The following MACROD2 variants were observed in gnomAD, a reference collection of about 807,000 sequenced individuals.
MACROD2 encodes ADP-ribose glycohydrolase MACROD2.
In MACROD2, 36 loss-of-function variants were observed where a neutral mutation model predicts 70.4. That is an observed-to-expected ratio of 0.51 (90% CI 0.39 to 0.68). The LOEUF (loss-of-function observed/expected upper bound fraction) is 0.68, where lower values mean the gene tolerates loss of function less well. Ranked by LOEUF, MACROD2 falls within the 30% of genes least tolerant of loss-of-function variation. MACROD2 has a pLI of 0.00. For synonymous variants in MACROD2, 172 were observed against 178.8 expected, an observed-to-expected ratio of 0.96 and a Z score of 0.30; for missense variants, 496 against 538.4, an observed-to-expected ratio of 0.92 and a Z score of 0.78.
At chr20:15,000,229 CA>C in intron 5 of MACROD2, among the ~76,000 whole-genome samples, 1 of 152,096 alleles carries the variant, frequency 6.6e-6, no homozygotes, top group Admixed American at 6.5e-5. Flanking sequence ...CCTCAGAAAG[CA>C]AAACAAAACA....
chr20:14,802,069 G>A (rs2072583117), intron 5 of MACROD2, among the ~76,000 whole-genome samples: 1 of 152,032 alleles, frequency 6.6e-6, no homozygotes, highest in Non-Finnish European at 1.5e-5. Flanking sequence ...CAGAACTTGA[G>A]TGTGGCTGGC....
intron 5 of MACROD2, among the ~76,000 whole-genome samples, chr20:15,003,396 C>A (rs1490820043): frequency 6.6e-6 from 1 of 151,968 alleles, no homozygotes; most frequent in African/African-American, 2.4e-5. Context: ...CAAAAATGAA[C>A]AAAATTATTT....
chr20:15,929,093 G>C (rs1458624539), intron 10 of MACROD2, among the ~76,000 whole-genome samples: 1 of 152,122 alleles, frequency 6.6e-6, no homozygotes, highest in African/African-American at 2.4e-5. Context: ...CATGCTCACA[G>C]GTCTGTAAGA....
intron 3 of MACROD2, among the ~76,000 whole-genome samples, chr20:14,186,654 C>A (rs1035173438): frequency 6.6e-6 from 1 of 152,112 alleles, no homozygotes; most frequent in Non-Finnish European, 1.5e-5. Flanking sequence ...CTCATATGTT[C>A]ATTGCAGCAC....
chr20:16,029,352 G>A (rs2067122001), intron 15 of MACROD2, among the ~76,000 whole-genome samples: 1 of 152,180 alleles, frequency 6.6e-6, no homozygotes, highest in South Asian at 2.1e-4. Context: ...AAGGCCAGGT[G>A]CATGTGACAC....
intron 2 of MACROD2, among the ~76,000 whole-genome samples, chr20:14,082,438 C>T (rs368031507): frequency 3.0e-4 from 46 of 151,346 alleles, no homozygotes; most frequent in African/African-American, 8.7e-4. Context: ...ATGATCCACC[C>T]GCCTCAGCCT....
chr20:14,894,381 C>T (rs1177385121), intron 5 of MACROD2: 1 of 152,072 alleles, frequency 6.6e-6, no homozygotes, highest in Non-Finnish European at 1.5e-5. Flanking sequence ...CAGGTGCCCA[C>T]CACCACGTCC....
chr20:14,559,580 A>G (rs75191053), intron 4 of MACROD2, among the ~76,000 whole-genome samples: 1,536 of 151,902 alleles, frequency 0.01, 25 homozygotes, highest in African/African-American at 0.036. Context: ...GCACGTTTAC[A>G]CTTTTCTACT....
intron 3 of MACROD2, among the ~76,000 whole-genome samples, chr20:14,174,664 C>T (rs781685845): frequency 1.6e-4 from 24 of 152,304 alleles, no homozygotes; most frequent in Middle Eastern, 3.4e-3. Context: ...TGTCTATACA[C>T]GTGATTTGCC....
intron 10 of MACROD2, among the ~76,000 whole-genome samples, chr20:15,891,047 G>A (rs2064882543): frequency 6.6e-6 from 1 of 152,096 alleles, no homozygotes; most frequent in African/African-American, 2.4e-5. Context: ...TACAATAAAG[G>A]GATACACCAG....
At chr20:14,761,416 G>A (rs752374529) in intron 5 of MACROD2, among the ~76,000 whole-genome samples, 5 of 152,046 alleles carry the variant, frequency 3.3e-5, no homozygotes, top group Non-Finnish European at 5.9e-5. Flanking sequence ...CTGACGAATT[G>A]CTCATTTGAT....
chr20:15,281,426 G>T (rs374867808), intron 6 of MACROD2, among the ~76,000 whole-genome samples: 107 of 152,276 alleles, frequency 7.0e-4, no homozygotes, highest in African/African-American at 2.5e-3. Context: ...AAGCAAGTTA[G>T]TTACTTCCTA....
At chr20:14,536,424 A>G (rs1398578080) in intron 4 of MACROD2, among the ~76,000 whole-genome samples, 1 of 152,204 alleles carries the variant, frequency 6.6e-6, no homozygotes, top group Non-Finnish European at 1.5e-5. Context: ...AGAATAATAT[A>G]TGAGAGTTGG....
intron 8 of MACROD2, among the ~76,000 whole-genome samples, chr20:15,721,286 C>G (rs1040655441): frequency 6.6e-6 from 1 of 152,102 alleles, no homozygotes; most frequent in Admixed American, 6.5e-5. Context: ...AAAGTTTTTC[C>G]TCAGAAGCAA....
intron 3 of MACROD2, among the ~76,000 whole-genome samples, chr20:14,380,316 A>C (rs1010897628): frequency 6.6e-6 from 1 of 152,008 alleles, no homozygotes; most frequent in African/African-American, 2.4e-5. Context: ...GATATTTAAC[A>C]CTCATGTGAT....
intron 5 of MACROD2, among the ~76,000 whole-genome samples, chr20:14,969,890 G>T (rs1455917282): frequency 6.6e-6 from 1 of 152,000 alleles, no homozygotes; most frequent in Non-Finnish European, 1.5e-5. Context: ...AACCATTAAT[G>T]TTCACATCTC....
At position 15,065,382 on chromosome 20, in the gene MACROD2, G is replaced by A. The variant is rs1328235138; in HGVS notation, c.419-164558G>A. On this transcript the variant is annotated intron_variant, in intron 5 of 17. Coordinates refer to ENST00000684519, the MANE Select transcript of MACROD2 (RefSeq NM_001351661.2). ...TTATATTAGAGAAAGTAGGCAGGGC[G>A]CGGTGGCTCACGCCTGTAATCCCAG... is the stretch of plus-strand genomic sequence containing the variant. 3.9e-5 allele frequency among the ~76,000 whole-genome samples: 6 copies of A among 152,138 alleles called. No individual in the cohort carries two copies. In the South Asian group the frequency reaches 6.2e-4, roughly 16 times the overall value.
intron 5 of MACROD2, among the ~76,000 whole-genome samples, chr20:15,186,844 T>C (rs2076537982): frequency 6.6e-6 from 1 of 152,224 alleles, no homozygotes; most frequent in Non-Finnish European, 1.5e-5. Flanking sequence ...GTCTCATTTG[T>C]GTTCCTAACT....
At chr20:14,939,947 A>AT (rs1211920384) in intron 5 of MACROD2, among the ~76,000 whole-genome samples, 1 of 151,654 alleles carries the variant, frequency 6.6e-6, no homozygotes, top group Non-Finnish European at 1.5e-5. Context: ...TTATGTGTTG[A>AT]TTTTTTATCC....
Sources: gnomAD v4.1 joint callset for allele counts (sites outside exome capture counted in the v4.1 genomes callset) on GRCh38, gnomAD v4.1.1 for gene constraint, MANE v1.5 for transcripts, NCBI Gene and HGNC (gene_info 2026-07-23, HGNC 2026-07-21) for gene names.